TMEM131L: variants seen among roughly 807,000 people sequenced by gnomAD.
TMEM131L encodes the protein transmembrane protein 131-like.
Under a neutral mutation model 192.2 loss-of-function variants are expected in TMEM131L, and 54 were observed. The ratio of observed to expected loss-of-function variants is 0.28; its 90% CI spans 0.23 to 0.35. TMEM131L has a LOEUF of 0.35. TMEM131L is among the 10% of genes least tolerant of loss of function. The pLI, the probability that TMEM131L is intolerant of heterozygous loss-of-function variation, is 1.00. For synonymous variants in TMEM131L, 701 were observed against 704.9 expected, an observed-to-expected ratio of 0.99 and a Z score of 0.09; for missense variants, 1,888 against 1,972.9, an observed-to-expected ratio of 0.96 and a Z score of 0.82.
At chr4:153,488,319 G>C (rs1240681961) in intron 3 of TMEM131L, among the ~76,000 whole-genome samples, 1 of 152,228 alleles carries the variant, frequency 6.6e-6, no homozygotes, top group Non-Finnish European at 1.5e-5. Context: ...GTGAGAAACT[G>C]GGGTGGGCGG....
At chr4:153,564,287 C>CAAAAAAAAAAAAA (rs1178320668) in intron 7 of TMEM131L, among the ~76,000 whole-genome samples, 2 of 17,650 alleles carry the variant, frequency 1.1e-4, no homozygotes, top group Admixed American at 7.0e-4. Flanking sequence ...AACTCCGTCT[C>CAAAAAAAAAAAAA]AAAAAAAAAA....
At chr4:153,521,234 C>T (rs1735087389) in intron 3 of TMEM131L, among the ~76,000 whole-genome samples, 1 of 152,120 alleles carries the variant, frequency 6.6e-6, no homozygotes, top group Non-Finnish European at 1.5e-5. Flanking sequence ...AGGGTGGTGG[C>T]TGTGGCGGCT....
chr4:153,490,336 G>A (rs892859432), intron 3 of TMEM131L, among the ~76,000 whole-genome samples: 1 of 152,148 alleles, frequency 6.6e-6, no homozygotes, highest in Non-Finnish European at 1.5e-5. Flanking sequence ...GTAATTAGGC[G>A]CCTTTACAGT....
intron 3 of TMEM131L, among the ~76,000 whole-genome samples, chr4:153,543,559 A>G (rs1368105499): frequency 1.3e-5 from 2 of 152,216 alleles, no homozygotes; most frequent in South Asian, 2.1e-4. Flanking sequence ...TGGAGTAACC[A>G]GTCTGATTGT....
At chr4:153,562,834 T>G (rs541336180) in intron 7 of TMEM131L, among the ~76,000 whole-genome samples, 5 of 152,206 alleles carry the variant, frequency 3.3e-5, no homozygotes, top group Non-Finnish European at 7.4e-5. Context: ...AAATTTGAAA[T>G]TGAGAGAAGA....
intron 3 of TMEM131L, among the ~76,000 whole-genome samples, chr4:153,504,451 T>C (rs1284374297): frequency 6.6e-6 from 1 of 151,512 alleles, no homozygotes; most frequent in Non-Finnish European, 1.5e-5. Context: ...GGCTAATTTT[T>C]GTATTTTTAG....
chr4:153,505,901 C>T (rs1404408190), intron 3 of TMEM131L, among the ~76,000 whole-genome samples: 1 of 152,114 alleles, frequency 6.6e-6, no homozygotes, highest in Non-Finnish European at 1.5e-5. Flanking sequence ...AGGAGGCTGC[C>T]TGGCCAGAGC....
chr4:153,543,594 C>G (rs1736957385), intron 3 of TMEM131L, among the ~76,000 whole-genome samples: 1 of 152,188 alleles, frequency 6.6e-6, no homozygotes, highest in South Asian at 2.1e-4. Flanking sequence ...ATAGACACCC[C>G]CCAGGCTGGG....
intron 7 of TMEM131L, among the ~76,000 whole-genome samples, chr4:153,570,707 T>C (rs903231230): frequency 5.3e-5 from 8 of 152,172 alleles, no homozygotes; most frequent in African/African-American, 1.9e-4. Context: ...CTGTGGGCAG[T>C]GACGTTGAGA....
chr4:153,514,553 C>T (rs924189057), intron 3 of TMEM131L, among the ~76,000 whole-genome samples: 2 of 152,166 alleles, frequency 1.3e-5, no homozygotes, highest in African/African-American at 4.8e-5. Context: ...CTACAAATGG[C>T]ATCTCATTTA....
rs779812060 is a variant in TMEM131L, at chr4:153,557,032, G to C, written c.499G>C (p.Glu167Gln). 2 of 1,596,072 alleles carry C rather than the reference G, an allele frequency of 1.3e-6. No individual in the cohort carries two copies. Among genetic ancestry groups the C allele is most frequent in the African/African-American group, 1.3e-5 (1 of 74,446 alleles). Residue 167 changes from glutamate (E) to glutamine (Q), a missense_variant, in exon 6 of 35, where the codon GAA (glutamate) becomes CAA (glutamine). Glu to Gln is a conservative substitution (Grantham distance 29). Transcript: ENST00000409959. ...CTTACCTACTGAAGAAGGAAGCATTGAAAGTTCCTTATTTATTAATACCTC... is the reference window on the plus strand; with the variant it reads ...CTTACCTACTGAAGAAGGAAGCATTCAAAGTTCCTTATTTATTAATACCTC... ...IFLPTEEGSI[E>Q]SSLFINTSSY...
intron 3 of TMEM131L, among the ~76,000 whole-genome samples, chr4:153,538,369 C>G (rs896370921): frequency 3.3e-5 from 5 of 152,196 alleles, no homozygotes; most frequent in African/African-American, 1.2e-4. Flanking sequence ...CTAAACCAGT[C>G]ACATGCAGGC....
At chr4:153,545,677 G>T (rs1161390726) in intron 3 of TMEM131L, among the ~76,000 whole-genome samples, 1 of 152,168 alleles carries the variant, frequency 6.6e-6, no homozygotes, top group East Asian at 1.9e-4. Flanking sequence ...AAGAAAAAAG[G>T]CCAGGTAAAA....
intron 17 of TMEM131L, 74 bp from the exon 18 acceptor site, chr4:153,592,400 GC>G: frequency 1.1e-6 from 1 of 938,980 alleles, no homozygotes; most frequent in Non-Finnish European, 1.8e-6. Context: ...ATTAGGTTAT[GC>G]TTTTTGGCCA....
At chr4:153,505,339 C>T (rs537792716) in intron 3 of TMEM131L, among the ~76,000 whole-genome samples, 1 of 152,174 alleles carries the variant, frequency 6.6e-6, no homozygotes, top group East Asian at 1.9e-4. Context: ...AACTCCTGAC[C>T]TCGTGATCCA....
chr4:153,526,800 T>C (rs1735522969), intron 3 of TMEM131L, among the ~76,000 whole-genome samples: 1 of 151,642 alleles, frequency 6.6e-6, no homozygotes, highest in African/African-American at 2.4e-5. Context: ...ATAGCTCCTG[T>C]CGTGTTGTGA....
At chr4:153,474,148 C>T (rs1056265322) in intron 3 of TMEM131L, among the ~76,000 whole-genome samples, 1 of 152,172 alleles carries the variant, frequency 6.6e-6, no homozygotes, top group African/African-American at 2.4e-5. Context: ...GTGCTTGTGC[C>T]CTCCCTCTTG....
At chr4:153,506,227 A>G (rs1423830169) in intron 3 of TMEM131L, among the ~76,000 whole-genome samples, 1 of 152,220 alleles carries the variant, frequency 6.6e-6, no homozygotes, top group Non-Finnish European at 1.5e-5. Context: ...ATTCTATTAG[A>G]TTTCAAAGAT....
At chr4:153,623,159 C>A in intron 29 of TMEM131L, 76 bp downstream of exon 29, 1 of 1,332,266 alleles carries the variant, frequency 7.5e-7, no homozygotes, top group Non-Finnish European at 1.0e-6. Flanking sequence ...TCCACACAGT[C>A]TCGATCTGCC....
Sources: allele counts gnomAD v4.1 joint callset (sites outside exome capture counted in the v4.1 genomes callset), GRCh38; gene constraint gnomAD v4.1.1; transcripts MANE v1.5; gene names NCBI Gene and HGNC (gene_info 2026-07-23, HGNC 2026-07-21).